SLC25A48: variants seen among roughly 807,000 people sequenced by gnomAD.
SLC25A48 encodes CTC-321K16.1.
SLC25A48 carries 29 observed loss-of-function variants against 32.2 expected under a neutral mutation model. The ratio of observed to expected loss-of-function variants is 0.90; its 90% CI spans 0.67 to 1.23. SLC25A48 has a LOEUF of 1.23. Ranked by LOEUF, SLC25A48 falls within the 50% of genes most tolerant of loss-of-function variation. The probability of loss-of-function intolerance (pLI) is 0.00; values close to 1 mark genes in which losing one functional copy is unlikely to be tolerated. For synonymous variants in SLC25A48, 164 were observed against 172.3 expected (o/e 0.95, Z 0.38); for missense variants, 399 against 422.7 (o/e 0.94, Z 0.49).
chr5:135,777,318 C>T (rs1425024527), intron 3 of SLC25A48, among the ~76,000 whole-genome samples: 1 of 151,702 alleles, frequency 6.6e-6, no homozygotes, highest in East Asian at 1.9e-4. Flanking sequence ...ACAGCCCCAC[C>T]CCCCAATATT....
At chr5:135,852,072 C>T (rs1355329845) in intron 3 of SLC25A48, among the ~76,000 whole-genome samples, 1 of 152,236 alleles carries the variant, frequency 6.6e-6, no homozygotes, top group Non-Finnish European at 1.5e-5. Flanking sequence ...GTCTGTTCCA[C>T]ACCTCACTTT....
In SLC25A48 at chr5:135,804,527, T is replaced by C. The variant is rs566419625; in HGVS notation, c.-520-7996T>C. ...GTGTACACCCTGTGTGTGCACCAAC[T>C]GTGATATTATTTGTTATATCCTAGA... On this transcript the variant is annotated intron_variant, in intron 3 of 10. Transcript: ENST00000646290. 5.3e-5 allele frequency among the ~76,000 whole-genome samples: 8 copies of C among 151,430 alleles called. No individual in the cohort carries two copies. In the South Asian group the frequency reaches 1.7e-3, roughly 31 times the overall value.
intron 1 of SLC25A48, among the ~76,000 whole-genome samples, chr5:135,836,681 A>G (rs183698852): frequency 6.6e-6 from 1 of 152,298 alleles, no homozygotes; most frequent in Admixed American, 6.5e-5. Flanking sequence ...ATGTTATGTC[A>G]ATTGAATCTT....
intron 3 of SLC25A48, among the ~76,000 whole-genome samples, chr5:135,695,028 C>T (rs1023767337): frequency 1.3e-5 from 2 of 152,186 alleles, no homozygotes; most frequent in African/African-American, 4.8e-5. Flanking sequence ...TCCTGGCAGC[C>T]CTCGGCTTTG....
In SLC25A48 at chr5:135,834,913, A is replaced by T. The variant is rs1479040289; in HGVS notation, c.46+20A>T. Reference sequence around the variant, plus strand: ...TCGGAGGTGAGTGTGCTTACCGGGGACCCCCGGTCAGAGAGAGCGAGCCTG... The same window carrying T: ...TCGGAGGTGAGTGTGCTTACCGGGGTCCCCCGGTCAGAGAGAGCGAGCCTG... On this transcript the variant is annotated intron_variant, in intron 1 of 7. Coordinates refer to ENST00000681962, the MANE Select transcript of SLC25A48 (RefSeq NM_001349336.2). The T allele has an allele frequency of 1.3e-6, 2 of 1,596,770 alleles. No homozygotes were observed. Among genetic ancestry groups the T allele is most frequent in the Admixed American group, 3.5e-5 (2 of 57,510 alleles).
At chr5:135,877,969 G>A (rs1196808097) in intron 6 of SLC25A48, among the ~76,000 whole-genome samples, 1 of 152,188 alleles carries the variant, frequency 6.6e-6, no homozygotes, top group Non-Finnish European at 1.5e-5. Flanking sequence ...AGCTGTGAGA[G>A]GCCGTCCAGA....
chr5:135,854,960 T>C (rs1342141136), intron 4 of SLC25A48, among the ~76,000 whole-genome samples: 2 of 152,176 alleles, frequency 1.3e-5, no homozygotes, highest in Non-Finnish European at 2.9e-5. Flanking sequence ...AATTTCAAGT[T>C]GTTGTGTCTC....
intron 4 of SLC25A48, among the ~76,000 whole-genome samples, chr5:135,823,215 G>T (rs1757936919): frequency 6.6e-6 from 1 of 152,164 alleles, no homozygotes; most frequent in South Asian, 2.1e-4. Flanking sequence ...GTTCTTCCAT[G>T]GGTCAGGAGT....
rs761378217 is a variant in SLC25A48 at position 135,752,389 on chromosome 5, A to G, written c.-520-60134A>G. ...AGTTCGAGACCAGCCTGGCCAACAT[A>G]GTGAAACCCCTATCTCTACTAAAAA... is the stretch of plus-strand genomic sequence containing the variant. On this transcript the variant is annotated intron_variant, in intron 3 of 10. Coordinates refer to the SLC25A48 transcript ENST00000646290. Among the ~76,000 whole-genome samples the G allele has an allele frequency of 1.1e-3, 165 of 152,298 alleles. 1 individual carries two copies. The highest frequency in any genetic ancestry group is 2.1e-3 in the Non-Finnish European group (140 of 68,012).
intron 3 of SLC25A48, among the ~76,000 whole-genome samples, chr5:135,684,782 C>T (rs1012211476): frequency 2.0e-5 from 3 of 152,226 alleles, no homozygotes; most frequent in African/African-American, 7.2e-5. Flanking sequence ...TATTCCGTTT[C>T]TAATGGCTGC....
chr5:135,810,088 G>A (rs576711210), intron 3 of SLC25A48, among the ~76,000 whole-genome samples: 17 of 152,228 alleles, frequency 1.1e-4, no homozygotes, highest in East Asian at 7.7e-4. Flanking sequence ...TCCTCGAGTC[G>A]CAGCCTCCCA....
At chr5:135,781,134 T>TC (rs1261838352) in intron 3 of SLC25A48, among the ~76,000 whole-genome samples, 2 of 115,280 alleles carry the variant, frequency 1.7e-5, no homozygotes, top group African/African-American at 5.3e-5. Context: ...GGGGTGTATA[T>TC]CCCCCTGTGA....
intron 1 of SLC25A48, among the ~76,000 whole-genome samples, chr5:135,609,042 T>C (rs537122402): frequency 3.7e-4 from 57 of 152,338 alleles, no homozygotes; most frequent in African/African-American, 1.3e-3. Context: ...TGATATTTCC[T>C]GGAGGTGGAA....
intron 3 of SLC25A48, among the ~76,000 whole-genome samples, chr5:135,753,208 G>C: frequency 6.6e-6 from 1 of 151,900 alleles, no homozygotes; most frequent in East Asian, 1.9e-4. Flanking sequence ...CATAATATGT[G>C]TACACCCACT....
chr5:135,776,148 C>T (rs868629580), intron 3 of SLC25A48, among the ~76,000 whole-genome samples: 3 of 151,586 alleles, frequency 2.0e-5, no homozygotes, highest in South Asian at 4.2e-4. Context: ...CTACCAATAT[C>T]GTAGGGATTG....
chr5:135,703,040 A>G (rs1754428842), intron 3 of SLC25A48, among the ~76,000 whole-genome samples: 1 of 152,178 alleles, frequency 6.6e-6, no homozygotes, highest in African/African-American at 2.4e-5. Context: ...GCCTCAAGAA[A>G]TTTAATAATT....
chr5:135,676,411 G>A (rs1457760494), intron 3 of SLC25A48, among the ~76,000 whole-genome samples: 3 of 151,546 alleles, frequency 2.0e-5, no homozygotes, highest in African/African-American at 7.3e-5. Flanking sequence ...TATCAATTTT[G>A]TCTTTTCAAA....
At chr5:135,603,590 C>A (rs1305447747) in intron 1 of SLC25A48, among the ~76,000 whole-genome samples, 1 of 152,162 alleles carries the variant, frequency 6.6e-6, no homozygotes, top group Non-Finnish European at 1.5e-5. Flanking sequence ...CAGCTCAGGG[C>A]CCTGGGGAGC....
intron 6 of SLC25A48, among the ~76,000 whole-genome samples, chr5:135,878,255 G>A (rs1014161144): frequency 6.6e-6 from 1 of 152,180 alleles, no homozygotes; most frequent in Non-Finnish European, 1.5e-5. Flanking sequence ...GGGACAGAAG[G>A]CTCACACTCC....
Sources: gnomAD v4.1 joint callset for allele counts (sites outside exome capture counted in the v4.1 genomes callset) on GRCh38, gnomAD v4.1.1 for gene constraint, MANE v1.5 for transcripts, NCBI Gene and HGNC (gene_info 2026-07-23, HGNC 2026-07-21) for gene names.